GABPB2: variants seen among roughly 807,000 people sequenced by gnomAD.
GABPB2 encodes GA-binding protein subunit beta-2.
GABPB2 carries 23 observed loss-of-function variants against 39.1 expected under a neutral mutation model. That is an observed-to-expected ratio of 0.59 (90% confidence interval 0.42 to 0.83). The LOEUF (loss-of-function observed/expected upper bound fraction) is 0.83, where lower values mean the gene tolerates loss of function less well. Among genes scored for constraint, GABPB2 ranks in the 40% least tolerant of loss-of-function variants. GABPB2 has a pLI of 0.00. For missense variants in GABPB2, 467 were observed against 541.1 expected (o/e 0.86, Z 1.36); for synonymous variants, 184 against 199.3 (o/e 0.92, Z 0.65).
chr1:151,108,464 A>G (rs1460330204), intron 7 of GABPB2, among the ~76,000 whole-genome samples: 1 of 152,174 alleles, frequency 6.6e-6, no homozygotes, highest in East Asian at 1.9e-4. Context: ...GAGTCATCAC[A>G]CCCAGTGATG....
intron 7 of GABPB2, among the ~76,000 whole-genome samples, chr1:151,116,686 C>T (rs1194923464): frequency 4.6e-5 from 7 of 152,206 alleles, no homozygotes; most frequent in South Asian, 2.1e-4. Flanking sequence ...TGGCTCACTA[C>T]GGCCTCAACT....
intron 1 of GABPB2, among the ~76,000 whole-genome samples, chr1:151,075,762 A>C (rs929705802): frequency 1.3e-5 from 2 of 151,694 alleles, no homozygotes; most frequent in African/African-American, 4.8e-5. Context: ...ACAAAAAAAG[A>C]ATGCCTTAAT....
intron 1 of GABPB2, among the ~76,000 whole-genome samples, chr1:151,081,894 C>T (rs1677735275): frequency 6.6e-6 from 1 of 151,982 alleles, no homozygotes; most frequent in African/African-American, 2.4e-5. Flanking sequence ...GCCTCAGTCT[C>T]CCAAAGTGCT....
At chr1:151,099,596 GTTTC>G (rs1679366824) in intron 5 of GABPB2, among the ~76,000 whole-genome samples, 1 of 151,990 alleles carries the variant, frequency 6.6e-6, no homozygotes, top group African/African-American at 2.4e-5. Context: ...TTCTTTTTCT[GTTTC>G]TTTTATTTGA....
In GABPB2 at chr1:151,090,496, C is replaced by T. The variant is rs1029261214; in HGVS notation, c.199C>T (p.Arg67Trp). The T allele has an allele frequency of 9.3e-6, 15 of 1,613,890 alleles. No homozygotes were observed. The highest frequency in any genetic ancestry group is 4.0e-5 in the African/African-American group (3 of 74,880). ...TCGAGCAGGTGTTAGCAGGGATGCCCGGACTAAAGTAGACAGGACCCCCTT... is the reference window on the plus strand; with the variant it reads ...TCGAGCAGGTGTTAGCAGGGATGCCTGGACTAAAGTAGACAGGACCCCCTT... ...LLRAGVSRDA[R>W]TKVDRTPLHM... The change falls in exon 3 of 9, where the codon CGG becomes TGG. Residue 67 changes from arginine to tryptophan, a missense_variant. Arg to Trp is a moderately radical substitution (Grantham distance 101). Coordinates refer to ENST00000368918, the MANE Select transcript of GABPB2 (RefSeq NM_144618.3).
chr1:151,076,906 G>T (rs587776267), intron 1 of GABPB2, among the ~76,000 whole-genome samples: 1 of 150,268 alleles, frequency 6.7e-6, no homozygotes, highest in Non-Finnish European at 1.5e-5. Flanking sequence ...CCATTCTCCT[G>T]CCTCAGCCTC....
chr1:151,083,986 C>G (rs1677945163), intron 1 of GABPB2, among the ~76,000 whole-genome samples: 1 of 150,734 alleles, frequency 6.6e-6, no homozygotes, highest in African/African-American at 2.4e-5. Flanking sequence ...TGATCCAGCC[C>G]CCTCAGCCTC....
intron 1 of GABPB2, among the ~76,000 whole-genome samples, chr1:151,079,298 T>G (rs1327369024): frequency 6.6e-6 from 1 of 151,786 alleles, no homozygotes; most frequent in East Asian, 2.0e-4. Context: ...CCCAGCACTT[T>G]GGGAGGCTGA....
chr1:151,103,729 G>C, intron 6 of GABPB2, 54 bp downstream of exon 6: 4 of 1,132,258 alleles, frequency 3.5e-6, no homozygotes, highest in Non-Finnish European at 5.3e-6. Context: ...TTGTTTTTAA[G>C]TCTCCAGCAG....
At chr1:151,116,127 C>T in intron 7 of GABPB2, among the ~76,000 whole-genome samples, 1 of 151,888 alleles carries the variant, frequency 6.6e-6, no homozygotes, top group Admixed American at 6.6e-5. Context: ...TGTGGTAGCT[C>T]ACGCCTGTAA....
At chr1:151,092,986 T>C (rs1367832791) in intron 3 of GABPB2, among the ~76,000 whole-genome samples, 1 of 152,228 alleles carries the variant, frequency 6.6e-6, no homozygotes, top group Non-Finnish European at 1.5e-5. Context: ...TTCCCATTGA[T>C]GTCCTTAGAG....
chr1:151,098,434 G>C (rs587714920), intron 5 of GABPB2, among the ~76,000 whole-genome samples: 2 of 151,330 alleles, frequency 1.3e-5, no homozygotes, highest in East Asian at 3.9e-4. Flanking sequence ...CTCAGGAGTT[G>C]GACTTACTGT....
At position 151,090,555 on chromosome 1, in the gene GABPB2, C is replaced by G. The variant is rs145720065; in HGVS notation, c.258C>G (p.Ile86Met). 4.3e-6 allele frequency: 7 copies of G among 1,613,542 alleles called. No individual in the cohort carries two copies. The highest frequency in any genetic ancestry group is 5.1e-6 in the Non-Finnish European group (6 of 1,179,808). Residue 86 changes from isoleucine to methionine, a missense_variant, in exon 3 of 9, where the codon ATC becomes ATG. Ile to Met is a conservative substitution (Grantham distance 10). Coordinates refer to ENST00000368918, the MANE Select transcript of GABPB2 (RefSeq NM_144618.3). ...CTGCAGCCGATGGACATGCGCACAT[C>G]GTGGAACTGCTTGTTCGGGTAAAGC... ...HMAAADGHAH[I>M]VELLVRNGAD...
intron 4 of GABPB2, among the ~76,000 whole-genome samples, chr1:151,097,029 A>G (rs916374397): frequency 6.6e-6 from 1 of 152,066 alleles, no homozygotes; most frequent in African/African-American, 2.4e-5. Flanking sequence ...CTCCTGCCTC[A>G]GCCTCCCGAG....
At chr1:151,102,623 G>A (rs907147532) in intron 5 of GABPB2, among the ~76,000 whole-genome samples, 2 of 152,014 alleles carry the variant, frequency 1.3e-5, no homozygotes, top group African/African-American at 2.4e-5. Context: ...TGTATTTTTA[G>A]TAGAGACAGG....
intron 1 of GABPB2, among the ~76,000 whole-genome samples, chr1:151,074,911 T>C (rs1677037453): frequency 6.6e-6 from 1 of 151,496 alleles, no homozygotes; most frequent in East Asian, 2.0e-4. Flanking sequence ...GAGGCCGAGG[T>C]GGGTGGATCA....
intron 1 of GABPB2, among the ~76,000 whole-genome samples, chr1:151,086,508 A>G (rs1243342460): frequency 6.6e-6 from 1 of 152,162 alleles, no homozygotes; most frequent in African/African-American, 2.4e-5. Flanking sequence ...GTAAACATGG[A>G]AAAAGAAAAA....
rs1046847444 is a variant in GABPB2, at chr1:151,076,766, A to G, written c.-1+5832A>G. ...TTTACTAAAGGCAAATCATGGTAAA[A>G]TAGATTGGCTTTATTAAACTTGGTC... On this transcript the variant is annotated intron_variant, in intron 1 of 8. Coordinates refer to ENST00000368918, the MANE Select transcript of GABPB2 (RefSeq NM_144618.3). Among the ~76,000 whole-genome samples, 8 of 149,262 alleles carry G rather than the reference A, an allele frequency of 5.4e-5. No individual in the cohort carries two copies. The South Asian group carries it at 1.7e-3, about 32-fold the overall frequency.
intron 4 of GABPB2, among the ~76,000 whole-genome samples, chr1:151,094,555 G>T (rs1034264435): frequency 1.0e-4 from 15 of 144,048 alleles, no homozygotes; most frequent in Non-Finnish European, 2.1e-4. Flanking sequence ...CACCATTTTG[G>T]CCAGGCTGGT....
Sources: gnomAD v4.1 joint callset for allele counts (sites outside exome capture counted in the v4.1 genomes callset) on GRCh38, gnomAD v4.1.1 for gene constraint, MANE v1.5 for transcripts, NCBI Gene and HGNC (gene_info 2026-07-23, HGNC 2026-07-21) for gene names.